The following NKAIN2 variants were observed in gnomAD, a reference collection of about 807,000 sequenced individuals.
NKAIN2 encodes sodium/potassium-transporting ATPase subunit beta-1-interacting protein 2.
A neutral mutation model predicts 32.6 loss-of-function variants in NKAIN2; 14 were observed. That is an observed-to-expected ratio of 0.43 (90% CI 0.28 to 0.67). The LOEUF is 0.67. Ranked by LOEUF, NKAIN2 falls within the 30% of genes least tolerant of loss-of-function variation. The pLI is 0.17. For synonymous variants in NKAIN2, 80 were observed against 87.2 expected (o/e 0.92, Z 0.46); for missense variants, 198 against 258.3 (o/e 0.77, Z 1.60).
intron 1 of NKAIN2, among the ~76,000 whole-genome samples, chr6:123,877,854 A>C (rs1381804770): frequency 6.6e-6 from 1 of 152,194 alleles, no homozygotes; most frequent in Non-Finnish European, 1.5e-5. Flanking sequence ...AGTAACTTTT[A>C]ATTATAATTT....
intron 3 of NKAIN2, among the ~76,000 whole-genome samples, chr6:124,625,886 A>T (rs1299001161): frequency 1.6e-5 from 2 of 123,506 alleles, no homozygotes; most frequent in Non-Finnish European, 3.9e-5. Flanking sequence ...TTCTCCTCTA[A>T]CAAACAAACA....
chr6:124,002,192 G>C (rs991845223), intron 1 of NKAIN2, among the ~76,000 whole-genome samples: 2 of 151,848 alleles, frequency 1.3e-5, no homozygotes, highest in African/African-American at 2.4e-5. Flanking sequence ...CTCATCCTTC[G>C]GGCACTCTCT....
At chr6:124,466,403 T>C (rs1031533421) in intron 3 of NKAIN2, among the ~76,000 whole-genome samples, 1 of 152,138 alleles carries the variant, frequency 6.6e-6, no homozygotes, top group Admixed American at 6.6e-5. Flanking sequence ...AGCTTTCAAA[T>C]GATAGTGTTC....
chr6:124,380,167 A>G (rs1184416277), intron 3 of NKAIN2, among the ~76,000 whole-genome samples: 1 of 152,150 alleles, frequency 6.6e-6, no homozygotes, highest in Non-Finnish European at 1.5e-5. Context: ...GCTATTCAGT[A>G]ACGCAGCAGT....
chr6:124,463,975 T>C (rs573191140), intron 3 of NKAIN2, among the ~76,000 whole-genome samples: 144 of 152,150 alleles, frequency 9.5e-4, no homozygotes, highest in African/African-American at 3.3e-3. Context: ...AATGGCACTT[T>C]GTTTTGTTTT....
rs374312235 is a variant in NKAIN2 at position 124,798,427 on chromosome 6, T to C, written c.535+7028T>C. Among the ~76,000 whole-genome samples the C allele has an allele frequency of 1.8e-4, 27 of 152,254 alleles. No individual in the cohort carries two copies. In the South Asian group the frequency reaches 5.6e-3, roughly 32 times the overall value. On this transcript the variant is annotated intron_variant, in intron 5 of 6. Coordinates refer to ENST00000368417, the MANE Select transcript of NKAIN2 (RefSeq NM_001040214.3). ...ATGGTGACTGACTGAAAAAATTTTGTCCATATCTGCCAGTTTCCCACTAAA... is the reference window on the plus strand; with the variant it reads ...ATGGTGACTGACTGAAAAAATTTTGCCCATATCTGCCAGTTTCCCACTAAA...
chr6:124,402,074 T>G (rs1432172145), intron 3 of NKAIN2, among the ~76,000 whole-genome samples: 1 of 152,176 alleles, frequency 6.6e-6, no homozygotes, highest in African/African-American at 2.4e-5. Flanking sequence ...CATGTTTGGT[T>G]GCCACAGCTG....
At chr6:124,461,683 T>G (rs149807955) in intron 3 of NKAIN2, among the ~76,000 whole-genome samples, 2 of 151,922 alleles carry the variant, frequency 1.3e-5, no homozygotes, top group African/African-American at 2.4e-5. Context: ...GCCTTTAAAT[T>G]TTATTTAGAA....
chr6:124,459,982 T>C (rs1185720823), intron 3 of NKAIN2, among the ~76,000 whole-genome samples: 26 of 151,704 alleles, frequency 1.7e-4, no homozygotes, highest in Admixed American at 1.7e-3. Context: ...TATATTGGAT[T>C]CATGTTTCTT....
At chr6:124,246,162 G>A (rs978980427) in intron 1 of NKAIN2, among the ~76,000 whole-genome samples, 2 of 151,992 alleles carry the variant, frequency 1.3e-5, no homozygotes, top group African/African-American at 4.8e-5. Flanking sequence ...GAACTAATAA[G>A]ATAGTGTTTC....
intron 1 of NKAIN2, among the ~76,000 whole-genome samples, chr6:123,957,970 GAAAGAAAATAT>G (rs1275229001): frequency 6.6e-6 from 1 of 152,072 alleles, no homozygotes; most frequent in Non-Finnish European, 1.5e-5. Flanking sequence ...ATGTTTTATG[GAAAGAAAATAT>G]AAAGATAATA....
intron 3 of NKAIN2, among the ~76,000 whole-genome samples, chr6:124,413,578 CTCAAAA>C (rs1466423586): frequency 6.6e-6 from 1 of 152,138 alleles, no homozygotes; most frequent in East Asian, 1.9e-4. Flanking sequence ...TAGTCAGTGT[CTCAAAA>C]TATCTTGCTG....
At chr6:124,213,000 T>G (rs2114667103) in intron 1 of NKAIN2, among the ~76,000 whole-genome samples, 1 of 152,274 alleles carries the variant, frequency 6.6e-6, no homozygotes, top group African/African-American at 2.4e-5. Flanking sequence ...ACTTGCATAT[T>G]TCTTTGCTTT....
At chr6:124,131,346 G>C (rs1786467076) in intron 1 of NKAIN2, among the ~76,000 whole-genome samples, 1 of 152,032 alleles carries the variant, frequency 6.6e-6, no homozygotes, top group Non-Finnish European at 1.5e-5. Flanking sequence ...AATAGTATCT[G>C]GCTTTACCAG....
chr6:124,528,413 A>G (rs1779399629), intron 3 of NKAIN2, among the ~76,000 whole-genome samples: 2 of 152,220 alleles, frequency 1.3e-5, no homozygotes, highest in South Asian at 2.1e-4. Flanking sequence ...TTTTAAGTAA[A>G]CATTCACAAG....
chr6:123,997,670 C>G (rs1779687177), intron 1 of NKAIN2, among the ~76,000 whole-genome samples: 1 of 127,106 alleles, frequency 7.9e-6, no homozygotes. Context: ...GTGGCGTGAT[C>G]TTGGCTCACT....
At chr6:124,497,942 A>G (rs1778130638) in intron 3 of NKAIN2, among the ~76,000 whole-genome samples, 2 of 152,080 alleles carry the variant, frequency 1.3e-5, no homozygotes, top group South Asian at 2.1e-4. Context: ...ACACTAAGGG[A>G]AACCTGACCA....
At chr6:124,735,311 C>T (rs1421381395) in intron 4 of NKAIN2, among the ~76,000 whole-genome samples, 1 of 151,778 alleles carries the variant, frequency 6.6e-6, no homozygotes, top group Admixed American at 6.6e-5. Flanking sequence ...CTCTCTACCC[C>T]AGTATTTTCA....
At chr6:124,720,833 T>C (rs1775979417) in intron 4 of NKAIN2, among the ~76,000 whole-genome samples, 1 of 152,312 alleles carries the variant, frequency 6.6e-6, no homozygotes, top group Non-Finnish European at 1.5e-5. Context: ...AGAATATTTC[T>C]AAACTCTGAA....
Sources: gnomAD v4.1 joint callset for allele counts (sites outside exome capture counted in the v4.1 genomes callset) on GRCh38, gnomAD v4.1.1 for gene constraint, MANE v1.5 for transcripts, NCBI Gene and HGNC (gene_info 2026-07-23, HGNC 2026-07-21) for gene names.